The following FMN1 variants were observed in gnomAD, a reference collection of about 807,000 sequenced individuals.
FMN1 encodes formin-1.
FMN1 carries 110 observed loss-of-function variants against 132.4 expected under a neutral mutation model. The ratio of observed to expected loss-of-function variants is 0.83; its 90% CI spans 0.71 to 0.97. The LOEUF (loss-of-function observed/expected upper bound fraction) is 0.97. FMN1 is among the 50% of genes least tolerant of loss of function. The pLI is 0.00. For missense variants in FMN1, 1,792 were observed against 1,705.3 expected (o/e 1.05, Z -0.90); for synonymous variants, 722 against 651.7 (o/e 1.11, Z -1.64).
At chr15:33,171,986 G>C (rs906704799) in intron 3 of FMN1, among the ~76,000 whole-genome samples, 4 of 152,062 alleles carry the variant, frequency 2.6e-5, no homozygotes, top group African/African-American at 9.7e-5. Flanking sequence ...AAGGCGGGTG[G>C]ATCACGAGGT....
chr15:32,805,847 C>T (rs1454144842), intron 17 of FMN1, among the ~76,000 whole-genome samples: 1 of 151,628 alleles, frequency 6.6e-6, no homozygotes, highest in Non-Finnish European at 1.5e-5. Context: ...CTAGGGAAGC[C>T]CATGGACTCT....
intron 17 of FMN1, among the ~76,000 whole-genome samples, chr15:32,831,377 G>A (rs896056026): frequency 6.6e-6 from 1 of 151,944 alleles, no homozygotes; most frequent in Middle Eastern, 3.2e-3. Flanking sequence ...GGCTAATACC[G>A]TTGCTAATAA....
rs186605974 is a variant in FMN1, at chr15:33,087,139, A to G, written c.2043+1660T>C. On this transcript the variant is annotated intron_variant, in intron 5 of 20. Transcript: ENST00000616417. ...TAAAGAGGGATTGCAGAGAATCACA[A>G]TAATCTGGTCAATCCTACCAGGCCA... Among the ~76,000 whole-genome samples, 155 of 152,368 alleles carry G rather than the reference A, an allele frequency of 1.0e-3. 2 individuals are homozygous for G. The highest frequency in any genetic ancestry group is 2.2e-4 in the Non-Finnish European group (15 of 68,042).
At chr15:32,819,106 C>T (rs2058136856) in intron 17 of FMN1, among the ~76,000 whole-genome samples, 1 of 152,124 alleles carries the variant, frequency 6.6e-6, no homozygotes, top group African/African-American at 2.4e-5. Flanking sequence ...GCAAGGCGAG[C>T]TGAAGAAGAA....
At chr15:32,775,215 G>C (rs1025895125) in intron 20 of FMN1, among the ~76,000 whole-genome samples, 4 of 152,152 alleles carry the variant, frequency 2.6e-5, no homozygotes, top group Non-Finnish European at 4.4e-5. Context: ...AACTTAAGTT[G>C]ATGATTTTTC....
At chr15:32,775,844 A>G (rs967197613) in intron 20 of FMN1, among the ~76,000 whole-genome samples, 1 of 152,226 alleles carries the variant, frequency 6.6e-6, no homozygotes, top group Non-Finnish European at 1.5e-5. Flanking sequence ...GGTACTAATA[A>G]TCTAAAAGGA....
intron 2 of FMN1, among the ~76,000 whole-genome samples, chr15:33,185,513 A>G (rs942561123): frequency 1.3e-5 from 2 of 151,220 alleles, no homozygotes; most frequent in African/African-American, 4.9e-5. Flanking sequence ...TTTACTTTTT[A>G]GAGAAGTCTT....
chr15:33,065,822 T>C (rs1465233486), intron 5 of FMN1, among the ~76,000 whole-genome samples: 1 of 152,196 alleles, frequency 6.6e-6, no homozygotes, highest in Non-Finnish European at 1.5e-5. Context: ...TCTTTATAAA[T>C]TACCTGAGTT....
At chr15:33,000,837 T>A (rs1183917052) in intron 7 of FMN1, among the ~76,000 whole-genome samples, 4 of 152,210 alleles carry the variant, frequency 2.6e-5, no homozygotes. Flanking sequence ...ATTTCTCAAA[T>A]ATATTTGACC....
At chr15:32,826,452 A>ACCCTTT (rs1309560749) in intron 17 of FMN1, among the ~76,000 whole-genome samples, 11 of 152,352 alleles carry the variant, frequency 7.2e-5, no homozygotes, top group Non-Finnish European at 1.5e-4. Flanking sequence ...ATGCTCAGAA[A>ACCCTTT]CTGATGGAAA....
At chr15:33,048,644 A>AAAAAAAAAAAAAAAAAC in intron 6 of FMN1, among the ~76,000 whole-genome samples, 1 of 86,920 alleles carries the variant, frequency 1.2e-5, no homozygotes, top group Non-Finnish European at 2.4e-5. Context: ...AAAAAAAAAA[A>AAAAAAAAAAAAAAAAAC]AAAAACCAAC....
intron 4 of FMN1, among the ~76,000 whole-genome samples, chr15:33,117,023 A>G (rs2039954812): frequency 6.6e-6 from 1 of 152,168 alleles, no homozygotes; most frequent in South Asian, 2.1e-4. Context: ...CACTGACCCA[A>G]ATTTCAGAGG....
chr15:32,885,053 G>A (rs1468062683), intron 16 of FMN1, among the ~76,000 whole-genome samples: 1 of 152,172 alleles, frequency 6.6e-6, no homozygotes, highest in South Asian at 2.1e-4. Context: ...GTGAGAAAGT[G>A]AATACTTTCT....
intron 17 of FMN1, among the ~76,000 whole-genome samples, chr15:32,813,940 C>G (rs983927664): frequency 6.6e-6 from 1 of 152,158 alleles, no homozygotes; most frequent in Non-Finnish European, 1.5e-5. Context: ...TTCCCAAACA[C>G]CGAGGTGGTA....
At chr15:32,909,140 A>T (rs2060498097) in intron 11 of FMN1, among the ~76,000 whole-genome samples, 1 of 152,220 alleles carries the variant, frequency 6.6e-6, no homozygotes, top group African/African-American at 2.4e-5. Flanking sequence ...CTGTGAGCTA[A>T]CAAGCGGCAA....
chr15:33,020,264 A>C (rs2035345040), intron 6 of FMN1, among the ~76,000 whole-genome samples: 3 of 152,078 alleles, frequency 2.0e-5, no homozygotes, highest in Non-Finnish European at 2.9e-5. Context: ...GTCACTATTG[A>C]ATTGGGGAAT....
At chr15:33,151,092 GA>G (rs1964420148) in intron 4 of FMN1, 1 of 1,334,330 alleles carries the variant, frequency 7.5e-7, no homozygotes, top group African/African-American at 1.5e-5. Flanking sequence ...ACAGGAAAGG[GA>G]AAATCAAGAG....
At chr15:33,126,629 C>A (rs1041600798) in intron 4 of FMN1, among the ~76,000 whole-genome samples, 24 of 90,698 alleles carry the variant, frequency 2.6e-4, no homozygotes, top group African/African-American at 8.3e-4. Context: ...AGGAAATGGG[C>A]GGAAGTGTTA....
chr15:32,873,013 G>A (rs553929214), intron 16 of FMN1, among the ~76,000 whole-genome samples: 5 of 152,208 alleles, frequency 3.3e-5, no homozygotes, highest in South Asian at 2.1e-4. Flanking sequence ...ATCTAGTCTT[G>A]GCTCCAGAAT....
Sources: allele counts gnomAD v4.1 joint callset (sites outside exome capture counted in the v4.1 genomes callset), GRCh38; gene constraint gnomAD v4.1.1; transcripts MANE v1.5; gene names NCBI Gene and HGNC (gene_info 2026-07-23, HGNC 2026-07-21).